The following MAPRE2 variants were observed in gnomAD, a reference collection of about 807,000 sequenced individuals.
The protein encoded by MAPRE2 is microtubule associated protein RP/EB family member 2, also known as microtubule-associated protein RP/EB family member 2.
In MAPRE2, 13 loss-of-function variants were observed where a neutral mutation model predicts 43.2. The ratio of observed to expected loss-of-function variants is 0.30; its 90% CI spans 0.20 to 0.48. The LOEUF is 0.48. Ranked by LOEUF, MAPRE2 falls within the 20% of genes least tolerant of loss-of-function variation. The pLI is 0.99. For missense variants in MAPRE2, 161 were observed against 400.2 expected (o/e 0.40, Z 5.10); for synonymous variants, 135 against 148.8 (o/e 0.91, Z 0.68).
At chr18:35,072,483 G>A (rs1450638894) in intron 2 of MAPRE2, among the ~76,000 whole-genome samples, 1 of 152,172 alleles carries the variant, frequency 6.6e-6, no homozygotes, top group Non-Finnish European at 1.5e-5. Context: ...AAATCCCCAG[G>A]CATGAGTCTT....
intron 4 of MAPRE2, among the ~76,000 whole-genome samples, chr18:35,112,547 T>C (rs1471993176): frequency 6.6e-6 from 1 of 152,174 alleles, no homozygotes; most frequent in Non-Finnish European, 1.5e-5. Flanking sequence ...TAAGAAACTA[T>C]CCCGTTGCTA....
intron 3 of MAPRE2, among the ~76,000 whole-genome samples, chr18:35,098,843 G>A (rs1015852237): frequency 6.6e-6 from 1 of 152,226 alleles, no homozygotes; most frequent in Non-Finnish European, 1.5e-5. Flanking sequence ...CAGAATGGAT[G>A]AGCAGTTGTT....
At chr18:35,036,096 A>G (rs1343212905) in intron 2 of MAPRE2, among the ~76,000 whole-genome samples, 1 of 151,480 alleles carries the variant, frequency 6.6e-6, no homozygotes, top group Non-Finnish European at 1.5e-5. Context: ...GAACAATTTA[A>G]TCTGTATTCC....
intron 6 of MAPRE2, among the ~76,000 whole-genome samples, chr18:35,137,173 T>A (rs976803170): frequency 6.6e-6 from 1 of 152,216 alleles, no homozygotes; most frequent in African/African-American, 2.4e-5. Flanking sequence ...GAGCAATCCA[T>A]TGATAAATTG....
intron 5 of MAPRE2, 125 bp from the exon 6 acceptor site, chr18:35,131,907 C>A: frequency 1.0e-6 from 1 of 965,822 alleles, no homozygotes; most frequent in Non-Finnish European, 1.5e-6. Context: ...CTCCCTCAGA[C>A]TTACACATTG....
chr18:35,048,347 A>T (rs922357441), intron 1 of MAPRE2, among the ~76,000 whole-genome samples: 1 of 152,120 alleles, frequency 6.6e-6, no homozygotes, highest in Non-Finnish European at 1.5e-5. Flanking sequence ...TTTTAATTCA[A>T]CACAAGATTT....
At chr18:35,115,733 G>T (rs1374538779) in intron 4 of MAPRE2, among the ~76,000 whole-genome samples, 4 of 152,158 alleles carry the variant, frequency 2.6e-5, no homozygotes, top group Non-Finnish European at 4.4e-5. Flanking sequence ...AGTATTCCGT[G>T]ATGTATATAT....
rs1337216944 is a variant in MAPRE2 at position 35,142,310 on chromosome 18, G to C, written c.*1941G>C. ...AACTCTATGCACCTGATACTGCAGT[G>C]GTTCCTAGGCCATTCTTCATCTGCT... On this transcript the variant is annotated 3_prime_UTR_variant, in exon 7 of 7. Coordinates refer to ENST00000300249, the MANE Select transcript of MAPRE2 (RefSeq NM_014268.4). The C allele has an allele frequency of 5.3e-5, 8 of 152,362 alleles. No homozygotes were observed. The East Asian group carries it at 1.5e-3, about 29-fold the overall frequency. 9.4% of individuals were successfully genotyped at this position (152,362 alleles called of 1,614,324 possible). A position where few individuals can be genotyped will look rare whatever the true frequency, so the allele number is the denominator to read the frequency against.
At position 35,102,101 on chromosome 18, in the gene MAPRE2, T is replaced by G; in HGVS notation, c.552T>G (p.Pro184=). ...AAGATGCAATTCCTCCTCCTGACCC[T>G]GGTGAACAGATCTTCAACCTGCCAA... The part of the protein sequence containing the change: ...QGQDAIPPPD[P]GEQIFNLPKK... The change falls in exon 4 of 7, where the codon CCT becomes CCG. Residue 184 remains proline (P), a synonymous_variant. Coordinates refer to ENST00000300249, the MANE Select transcript of MAPRE2 (RefSeq NM_014268.4). 6.2e-7 allele frequency: 1 copy of G among 1,612,680 alleles called. No individual in the cohort carries two copies.
At chr18:35,066,347 T>A (rs1345004450) in intron 1 of MAPRE2, among the ~76,000 whole-genome samples, 1 of 152,176 alleles carries the variant, frequency 6.6e-6, no homozygotes, top group Non-Finnish European at 1.5e-5. Flanking sequence ...CCACTTTATC[T>A]CTAAAAAGAT....
In MAPRE2 at chr18:35,135,863, G is replaced by T. The variant is rs551828378; in HGVS notation, c.909+3673G>T. Among the ~76,000 whole-genome samples the T allele has an allele frequency of 2.6e-5, 4 of 152,358 alleles. No homozygotes were observed. The South Asian group carries it at 6.2e-4, about 24-fold the overall frequency. ...GCTGAGATGGCACAGATGCCTGGTG[G>T]TCTGCCTTTCCCAGAGCCCTCCTGG... On this transcript the variant is annotated intron_variant, in intron 6 of 6. Transcript: ENST00000300249.
intron 2 of MAPRE2, among the ~76,000 whole-genome samples, chr18:35,023,673 A>G (rs1303727930): frequency 6.6e-6 from 1 of 151,972 alleles, no homozygotes. Flanking sequence ...GAGAGAGGCA[A>G]TTGGAGAAGA....
intron 6 of MAPRE2, among the ~76,000 whole-genome samples, chr18:35,135,392 C>T (rs1369655334): frequency 1.3e-5 from 2 of 152,076 alleles, no homozygotes; most frequent in Admixed American, 6.6e-5. Context: ...CTTTCTGCCC[C>T]CTAGCACTCC....
In MAPRE2 at chr18:35,133,768, G is replaced by T. The variant is rs77532007; in HGVS notation, c.909+1578G>T. On this transcript the variant is annotated intron_variant, in intron 6 of 6. Coordinates refer to ENST00000300249, the MANE Select transcript of MAPRE2 (RefSeq NM_014268.4). ...GAACTCCAAATGAAGTGTTGGAGAG[G>T]TCCACTGAATTCCCGGCTAAGATAG... Among the ~76,000 whole-genome samples the T allele has an allele frequency of 3.0e-3, 455 of 152,296 alleles. 6 individuals carry two copies. The highest frequency in any genetic ancestry group is 0.022 in the East Asian group (112 of 5,180).
At position 35,019,663 on chromosome 18, in the gene MAPRE2, A is replaced by G. The variant is rs147854028; in HGVS notation, c.-8+14110A>G. 3.7e-4 allele frequency among the ~76,000 whole-genome samples: 56 copies of G among 152,184 alleles called. No individual in the cohort carries two copies. In the East Asian group the frequency reaches 8.9e-3, roughly 24 times the overall value. ...TTTTAATGTGTGTCAAATAGTCTGT[A>G]GAGTTGACCATTATTTATCCAACTT... On this transcript the variant is annotated intron_variant, in intron 2 of 7. Transcript: ENST00000413393.
chr18:35,050,492 A>G (rs1030466316), intron 1 of MAPRE2, among the ~76,000 whole-genome samples: 3 of 152,220 alleles, frequency 2.0e-5, no homozygotes, highest in Admixed American at 2.0e-4. Context: ...TCCAGAGTAC[A>G]TTGAAGCTGC....
chr18:35,138,000 C>T (rs1910465131), intron 6 of MAPRE2, among the ~76,000 whole-genome samples: 2 of 152,158 alleles, frequency 1.3e-5, no homozygotes, highest in South Asian at 4.1e-4. Context: ...CTTAGGAAGG[C>T]CAGTAACTGT....
intron 1 of MAPRE2, among the ~76,000 whole-genome samples, chr18:34,999,028 C>T (rs1296090033): frequency 6.6e-6 from 1 of 152,020 alleles, no homozygotes; most frequent in African/African-American, 2.4e-5. Context: ...AAACAGCAAG[C>T]ATGGAAAGCA....
At chr18:35,119,139 A>T (rs1909558906) in intron 4 of MAPRE2, among the ~76,000 whole-genome samples, 1 of 152,154 alleles carries the variant, frequency 6.6e-6, no homozygotes. Context: ...AGACTGCTGC[A>T]GGACTCCCAG....
Sources: gnomAD v4.1 joint callset for allele counts (sites outside exome capture counted in the v4.1 genomes callset) on GRCh38, gnomAD v4.1.1 for gene constraint, MANE v1.5 for transcripts, NCBI Gene and HGNC (gene_info 2026-07-23, HGNC 2026-07-21) for gene names.